The following NUPR2 variants were observed in gnomAD, a reference collection of about 807,000 sequenced individuals.
NUPR2 encodes the protein nuclear protein 2.
Under a neutral mutation model 7.3 loss-of-function variants are expected in NUPR2, and 14 were observed. The observed-to-expected ratio is 1.93, with a 90% CI of 1.27 to 3.01. The LOEUF (loss-of-function observed/expected upper bound fraction) is 3.01. Among genes scored for constraint, NUPR2 ranks in the 30% most tolerant of loss-of-function variants. The pLI is 0.00. For missense variants in NUPR2, 162 were observed against 143.7 expected (o/e 1.13, Z -0.65); for synonymous variants, 56 against 59.7 (o/e 0.94, Z 0.29).
At chr7:56,115,411 A>ATG (rs1562891767) in intron 1 of NUPR2, among the ~76,000 whole-genome samples, 3 of 27,380 alleles carry the variant, frequency 1.1e-4, no homozygotes, top group African/African-American at 2.4e-4. Flanking sequence ...ATATATATAT[A>ATG]TATATATATA....
In NUPR2 at chr7:56,116,096, C is replaced by T. The variant is rs1264809431; in HGVS notation, c.219G>A (p.Ala73=). 11 of 1,534,684 alleles carry T rather than the reference C, an allele frequency of 7.2e-6. No individual in the cohort carries two copies. The highest frequency in any genetic ancestry group is 9.6e-6 in the Non-Finnish European group (11 of 1,140,494). The change falls in exon 1 of 2, where the codon GCG becomes GCA. Residue 73 remains alanine, a synonymous_variant. Transcript: ENST00000329309. Reference sequence around the variant, plus strand: ...TGCGCTGGCCATTGAGGAGCTTCTGCGCGACCTTGCGCTCGTGCCCGCCAG... The same window carrying T: ...TGCGCTGGCCATTGAGGAGCTTCTGTGCGACCTTGCGCTCGTGCCCGCCAG... ...PAPGGHERKV[A]QKLLNGQRKR... is the part of the protein sequence containing the mutation.
At position 56,116,153 on chromosome 7, in the gene NUPR2, G is replaced by A. The variant is rs1320882895; in HGVS notation, c.162C>T (p.Arg54=). Residue 54 remains arginine (R), a synonymous_variant, in exon 1 of 2, where the codon CGC becomes CGT. Transcript: ENST00000329309. ...GCCAGTTGGTGCGCAGCGCCTGCTC[G>A]CGCCGAGTCCGGCCCTTGCTGCGCC... ...GAGRSKGRTR[R]EQALRTNWPA... is the part of the protein sequence containing the mutation. 1.9e-6 allele frequency: 3 copies of A among 1,546,958 alleles called. No individual in the cohort carries two copies. Among genetic ancestry groups the A allele is most frequent in the Non-Finnish European group, 2.6e-6 (3 of 1,145,350 alleles).
intron 1 of NUPR2, among the ~76,000 whole-genome samples, chr7:56,115,415 A>ACATATG (rs60601611): frequency 0.25 from 13,142 of 51,868 alleles, 3,442 homozygotes; most frequent in African/African-American, 0.36. Context: ...ATATATATAT[A>ACATATG]TATATATATA....
At chr7:56,115,742 T>C (rs1352976685) in intron 1 of NUPR2, among the ~76,000 whole-genome samples, 2 of 150,526 alleles carry the variant, frequency 1.3e-5, no homozygotes, top group East Asian at 4.0e-4. Flanking sequence ...AGTGCTGGGA[T>C]TACAGGTGTG....
chr7:56,115,419 A>ATGTG (rs1785525931), intron 1 of NUPR2, among the ~76,000 whole-genome samples: 1 of 14,866 alleles, frequency 6.7e-5, no homozygotes, highest in Non-Finnish European at 1.1e-4. Flanking sequence ...ATATATATAT[A>ATGTG]TATATATATT....
rs1562891843 is a variant in NUPR2 at position 56,115,426 on chromosome 7, TATTTGTG to T, written c.*7-536_*7-530del. Among the ~76,000 whole-genome samples, 320 of 48,520 alleles carry T rather than the reference TATTTGTG, an allele frequency of 6.6e-3. 1 individual carries two copies. The highest frequency in any genetic ancestry group is 9.3e-3 in the South Asian group (15 of 1,606). The allele number at this position is 48,520 out of a possible 152,430, so 31.8% of individuals were successfully genotyped here. A position where few individuals can be genotyped will look rare whatever the true frequency, so the allele number is the denominator to read the frequency against. On this transcript the variant is annotated intron_variant, in intron 1 of 1. Transcript: ENST00000329309. ...ATATATATATATATATATATATATATATTTGTGTGTGTGTGTGTGTGTGTGTGTGTGT... is the reference window on the plus strand; with the variant it reads ...ATATATATATATATATATATATATATTGTGTGTGTGTGTGTGTGTGTGTGT...
rs913927590 is a variant in NUPR2, at chr7:56,116,052, AGCTGGCGCTGGCGGC to A, written c.248_262del (p.Arg83_Gln87del). 6 of 1,496,062 alleles carry A rather than the reference AGCTGGCGCTGGCGGC, an allele frequency of 4.0e-6. No homozygotes were observed. In the Admixed American group the frequency reaches 8.6e-5, roughly 22 times the overall value. 92.7% of individuals were successfully genotyped at this position (1,496,062 alleles called of 1,614,324 possible). ...GAGGCGAGTGCGCATCTTGGGATGC[AGCTGGCGCTGGCGGC>A]GCTTGCGCTGGCCATTGAGGAGCTT... On this transcript the variant is annotated inframe_deletion, in exon 1 of 2. Coordinates refer to ENST00000329309, the MANE Select transcript of NUPR2 (RefSeq NM_001145712.2).
At chr7:56,115,625 T>TATATATATA in intron 1 of NUPR2, among the ~76,000 whole-genome samples, 1 of 105,210 alleles carries the variant, frequency 9.5e-6, no homozygotes, top group East Asian at 4.2e-4. Flanking sequence ...CTGGCTAATT[T>TATATATATA]TATATATATA....
rs930248799 is a variant in NUPR2, at chr7:56,116,252, G to A, written c.63C>T (p.Pro21=). ...CGTAAAGCTCCTCCTCGTAGCTTAT[G>A]GGTGGCGGCGGCCGAGCCAGAGCCT... is the stretch of plus-strand genomic sequence containing the variant. ...RLQALARPPP[P]ISYEEELYDC... Residue 21 remains proline, a synonymous_variant, in exon 1 of 2, where the codon CCC becomes CCT. Transcript: ENST00000329309. The A allele has an allele frequency of 1.2e-5, 18 of 1,539,356 alleles. No individual in the cohort carries two copies. The Admixed American group carries it at 1.4e-4, about 12-fold the overall frequency.
chr7:56,115,428 TTTG>T (rs1785528885), intron 1 of NUPR2, among the ~76,000 whole-genome samples: 24 of 45,924 alleles, frequency 5.2e-4, no homozygotes, highest in Non-Finnish European at 8.6e-4. Context: ...TATATATATA[TTTG>T]TGTGTGTGTG....
chr7:56,116,349 C>A lies in NUPR2; in HGVS notation c.-35G>T. On this transcript the variant is annotated 5_prime_UTR_variant, in exon 1 of 2. Coordinates refer to ENST00000329309, the MANE Select transcript of NUPR2 (RefSeq NM_001145712.2). ...GCCTGTGGCCACCGGCGGCCACCTG[C>A]CCGCGTCTGGGCGCTCCTGGAAGAC... 7.7e-7 allele frequency: 1 copy of A among 1,299,794 alleles called. No homozygotes were observed. The highest frequency in any genetic ancestry group is 1.0e-6 in the Non-Finnish European group (1 of 1,002,390). The allele number at this position is 1,299,794 out of a possible 1,614,324, so 80.5% of individuals were successfully genotyped here.
intron 1 of NUPR2, among the ~76,000 whole-genome samples, chr7:56,115,192 T>C (rs1279420685): frequency 6.6e-6 from 1 of 151,786 alleles, no homozygotes; most frequent in Non-Finnish European, 1.5e-5. Context: ...TGCCTGGGCC[T>C]CCCAAAGTGC....
chr7:56,116,138 G>A lies in NUPR2; in HGVS notation c.177C>T (p.Arg59=), dbSNP rs114506539. 2.2e-3 allele frequency: 3,479 copies of A among 1,546,252 alleles called. 53 individuals carry two copies. The African/African-American group carries it at 0.035, about 16-fold the overall frequency. The part of the protein sequence containing the change: ...KGRTRREQAL[R]TNWPAPGGHE... ...GCCCGCCAGGTGCAGGCCAGTTGGT[G>A]CGCAGCGCCTGCTCGCGCCGAGTCC... is the stretch of plus-strand genomic sequence containing the variant. Residue 59 remains arginine, a synonymous_variant, in exon 1 of 2, where the codon CGC becomes CGT. Coordinates refer to ENST00000329309, the MANE Select transcript of NUPR2 (RefSeq NM_001145712.2).
intron 1 of NUPR2, among the ~76,000 whole-genome samples, chr7:56,115,138 G>T (rs1180810680): frequency 6.6e-6 from 1 of 151,840 alleles, no homozygotes; most frequent in Non-Finnish European, 1.5e-5. Context: ...GTTTCACCAC[G>T]TTGACCAGGC....
chr7:56,116,308 C>T lies in NUPR2; in HGVS notation c.7G>A (p.Ala3Thr). 2.1e-6 allele frequency: 3 copies of T among 1,438,904 alleles called. 1 individual carries two copies. Among genetic ancestry groups the T allele is most frequent in the Admixed American group, 6.6e-5 (2 of 30,182 alleles). The allele number at this position is 1,438,904 out of a possible 1,614,324, so 89.1% of individuals were successfully genotyped here. Residue 3 changes from alanine (A) to threonine (T), a missense_variant, in exon 1 of 2, where the codon GCG becomes ACG. Ala to Thr is a moderately conservative substitution (Grantham distance 58, BLOSUM62 0). Transcript: ENST00000329309. Reference protein sequence around the residue: MEAPAERALPRLQ... With the variant: METPAERALPRLQ... ...CGTGGAAGCGCCCGCTCTGCGGGCG[C>T]TTCCATCCTGCCCAGGCCTGTGGCC...
At chr7:56,115,930 G>T in intron 1 of NUPR2, 85 bp downstream of exon 1, 1 of 1,240,310 alleles carries the variant, frequency 8.1e-7, no homozygotes, top group Non-Finnish European at 1.1e-6. Flanking sequence ...AGCCGACTCT[G>T]CCCAGGGCGA....
intron 1 of NUPR2, among the ~76,000 whole-genome samples, chr7:56,115,413 A>G (rs868565659): frequency 2.6e-4 from 12 of 46,350 alleles, no homozygotes; most frequent in African/African-American, 9.7e-4. Flanking sequence ...ATATATATAT[A>G]TATATATATA....
intron 1 of NUPR2, 79 bp downstream of exon 1, chr7:56,115,936 G>A: frequency 1.6e-6 from 2 of 1,284,460 alleles, no homozygotes; most frequent in Non-Finnish European, 1.0e-6. Flanking sequence ...CTCTGCCCAG[G>A]GCGAGCAGCG....
intron 1 of NUPR2, among the ~76,000 whole-genome samples, chr7:56,115,431 G>GTA (rs56746301): frequency 3.7e-5 from 1 of 26,750 alleles, no homozygotes; most frequent in African/African-American, 1.8e-4. Flanking sequence ...ATATATATTT[G>GTA]TGTGTGTGTG....
Sources: allele counts gnomAD v4.1 joint callset (sites outside exome capture counted in the v4.1 genomes callset), GRCh38; gene constraint gnomAD v4.1.1; transcripts MANE v1.5; gene names NCBI Gene and HGNC (gene_info 2026-07-23, HGNC 2026-07-21).